CSMD2: variants seen among roughly 807,000 people sequenced by gnomAD.
CSMD2 encodes CUB and sushi domain-containing protein 2.
In CSMD2, 130 loss-of-function variants were observed where a neutral mutation model predicts 398.5. The observed-to-expected ratio is 0.33, with a 90% CI of 0.28 to 0.38. CSMD2 has a LOEUF of 0.38. Among genes scored for constraint, CSMD2 ranks in the 10% least tolerant of loss-of-function variants. CSMD2 has a pLI of 1.00. For missense variants in CSMD2, 3,829 were observed against 4,764.9 expected (o/e 0.80, Z 5.78); for synonymous variants, 1,828 against 1,908.5 (o/e 0.96, Z 1.10).
In CSMD2 at chr1:34,032,683, G is replaced by C; in HGVS notation, c.428C>G (p.Ala143Gly). ...RTRLTGFQLP[A>G]TIVSAATTLS... ...GGTGGTGGCTGCACTAACAATGGTG[G>C]CTGGCAGCTGAAAGCCTGTGAGCCT... is the stretch of plus-strand genomic sequence containing the variant. Residue 143 changes from alanine to glycine, a missense_variant, in exon 3 of 71, where the codon GCC becomes GGC. Transcript: ENST00000373381. 6.3e-7 allele frequency: 1 copy of C among 1,595,718 alleles called. No homozygotes were observed. The highest frequency in any genetic ancestry group is 1.1e-5 in the South Asian group (1 of 87,384).
At chr1:33,578,876 G>T (rs1240334899) in intron 48 of CSMD2, among the ~76,000 whole-genome samples, 8 of 152,154 alleles carry the variant, frequency 5.3e-5, no homozygotes, top group Non-Finnish European at 1.2e-4. Context: ...TTAAATAGCT[G>T]CCTTCCAAGC....
chr1:33,600,177 G>A, intron 44 of CSMD2: 1 of 716,520 alleles, frequency 1.4e-6, no homozygotes, highest in Non-Finnish European at 2.6e-6. Flanking sequence ...TACACAGCTG[G>A]CCCAAGGTGG....
intron 3 of CSMD2, among the ~76,000 whole-genome samples, chr1:34,005,076 T>G (rs1054564710): frequency 6.6e-6 from 1 of 152,182 alleles, no homozygotes; most frequent in African/African-American, 2.4e-5. Context: ...GGGAAACCCA[T>G]GAACAGAGTT....
At chr1:34,144,642 G>A (rs941102933) in intron 1 of CSMD2, among the ~76,000 whole-genome samples, 6 of 152,128 alleles carry the variant, frequency 3.9e-5, no homozygotes, top group South Asian at 2.1e-4. Flanking sequence ...CAGCGTTATC[G>A]GTAAGGTAAT....
intron 5 of CSMD2, chr1:33,863,998 T>C (rs1029011630): frequency 1.4e-5 from 8 of 575,688 alleles, no homozygotes; most frequent in African/African-American, 3.8e-5. Context: ...GGCTGGCTTG[T>C]GGATGATGTC....
intron 28 of CSMD2, among the ~76,000 whole-genome samples, chr1:33,651,643 G>A (rs1571092798): frequency 1.3e-5 from 2 of 152,276 alleles, no homozygotes; most frequent in East Asian, 3.9e-4. Flanking sequence ...TGGAGAACTG[G>A]GAAGAGTAAC....
At position 33,633,636 on chromosome 1, in the gene CSMD2, G is replaced by C. The variant is rs1247908140; in HGVS notation, c.5087-101C>G. ...CAAGCCAGGAGGAGGGCAGCCCTGG[G>C]GAAGTTGTTGGTTCCTGGGCTGTGG... On this transcript the variant is annotated intron_variant, in intron 31 of 70. Transcript: ENST00000373381. This position sits in a 1 kb window ranked among gnomAD's most constrained non-coding sequence, Gnocchi z 5.0. 4 of 818,194 alleles carry C rather than the reference G, an allele frequency of 4.9e-6. No homozygotes were observed. The highest frequency in any genetic ancestry group is 8.1e-6 in the Non-Finnish European group (4 of 493,048). The allele number at this position is 818,194 out of a possible 1,614,324, so 50.7% of individuals were successfully genotyped here. A position where few individuals can be genotyped will look rare whatever the true frequency, so the allele number is the denominator to read the frequency against.
At chr1:34,001,985 A>G (rs1184362236) in intron 3 of CSMD2, among the ~76,000 whole-genome samples, 1 of 152,246 alleles carries the variant, frequency 6.6e-6, no homozygotes. Flanking sequence ...GGTATATTTG[A>G]GGAGCTAATG....
rs376638606 is a variant in CSMD2, at chr1:33,662,955, G to A, written c.4190C>T (p.Ser1397Leu). Residue 1397 changes from serine to leucine, a missense_variant, in exon 26 of 71, where the codon TCG (serine) becomes TTG (leucine). Around this residue, in one of 5 missense-constraint regions of CSMD2, gnomAD observed 2,001 missense variants for 2,567.1 expected, o/e 0.78. Transcript: ENST00000373381. The part of the protein sequence containing the change: ...LPKDLHSTFN[S>L]VVLQFSTDFF... ...GTCAGTGCTGAACTGCAGGACGACC[G>A]AGTTGAAGGTGCTATGCAGGTCCTT... 3.7e-6 allele frequency: 6 copies of A among 1,614,176 alleles called. No individual in the cohort carries two copies. The highest frequency in any genetic ancestry group is 1.3e-5 in the African/African-American group (1 of 75,046).
chr1:34,000,183 G>T (rs1489590930), intron 3 of CSMD2, among the ~76,000 whole-genome samples: 2 of 152,122 alleles, frequency 1.3e-5, no homozygotes, highest in Non-Finnish European at 2.9e-5. Context: ...TTAAAACAAA[G>T]TATCTCAGTC....
At chr1:33,650,408 C>G (rs532998302) in intron 28 of CSMD2, among the ~76,000 whole-genome samples, 5 of 152,094 alleles carry the variant, frequency 3.3e-5, no homozygotes, top group African/African-American at 7.2e-5. Context: ...ATGAGAAGAC[C>G]CTTACAGATA....
At chr1:33,873,094 T>C (rs1640591204) in intron 5 of CSMD2, among the ~76,000 whole-genome samples, 2 of 152,190 alleles carry the variant, frequency 1.3e-5, no homozygotes, top group African/African-American at 4.8e-5. Flanking sequence ...AATCACCAAA[T>C]CTGTAGTAAC....
intron 12 of CSMD2, among the ~76,000 whole-genome samples, chr1:33,772,978 C>T (rs1409473114): frequency 1.3e-5 from 2 of 152,176 alleles, no homozygotes; most frequent in Admixed American, 1.3e-4. Flanking sequence ...CTATCAAGTG[C>T]CTGAGACTCT....
intron 14 of CSMD2, among the ~76,000 whole-genome samples, chr1:33,739,642 CTT>C (rs1241199530): frequency 2.0e-5 from 3 of 152,186 alleles, no homozygotes; most frequent in African/African-American, 4.8e-5. Context: ...TGAAGTAGCT[CTT>C]GTTACCCTAC....
At chr1:33,586,675 G>T in intron 45 of CSMD2, 58 bp from the exon 46 acceptor site, 1 of 1,069,230 alleles carries the variant, frequency 9.4e-7, no homozygotes, top group Non-Finnish European at 1.5e-6. Flanking sequence ...TTAGTACCTT[G>T]AACCCACTTC....
chr1:33,654,643 C>G lies in CSMD2; in HGVS notation c.4448-2182G>C, dbSNP rs573830715. Among the ~76,000 whole-genome samples the G allele has an allele frequency of 9.8e-5, 15 of 152,338 alleles. No homozygotes were observed. The South Asian group carries it at 2.9e-3, about 29-fold the overall frequency. On this transcript the variant is annotated intron_variant, in intron 27 of 70. Transcript: ENST00000373381. Reference sequence around the variant, plus strand: ...GACCCTTGAGCTTAACAAAGCAAGACTGTAATGTCCAGTCCATGGAGCGTG... The same window carrying G: ...GACCCTTGAGCTTAACAAAGCAAGAGTGTAATGTCCAGTCCATGGAGCGTG...
intron 11 of CSMD2, among the ~76,000 whole-genome samples, chr1:33,790,801 A>ATATCTATCTATCTATCTATC (rs3078814): frequency 1.3e-5 from 2 of 148,448 alleles, no homozygotes; most frequent in South Asian, 2.2e-4. Context: ...CATCTCTCTA[A>ATATCTATCTATCTATCTATC]TATCTATCTA....
At chr1:33,654,548 C>T (rs1256701284) in intron 27 of CSMD2, among the ~76,000 whole-genome samples, 1 of 152,208 alleles carries the variant, frequency 6.6e-6, no homozygotes, top group Non-Finnish European at 1.5e-5. Flanking sequence ...CTTGTGTCTC[C>T]ACCACTGAAT....
At position 33,550,227 on chromosome 1, in the gene CSMD2, C is replaced by T; in HGVS notation, c.8867G>A (p.Arg2956His). 1.9e-6 allele frequency: 3 copies of T among 1,614,194 alleles called. No individual in the cohort carries two copies. Among genetic ancestry groups the T allele is most frequent in the Non-Finnish European group, 1.7e-6 (2 of 1,180,036 alleles). ...GKRTLVGNST[R>H]MCGLDGHWTG... is the part of the protein sequence containing the mutation. Reference sequence around the variant, plus strand: ...CCAGTGTCCATCCAGCCCACACATGCGGGTGCTGTTTCCCACCAGAGTACG... The same window carrying T: ...CCAGTGTCCATCCAGCCCACACATGTGGGTGCTGTTTCCCACCAGAGTACG... Residue 2956 changes from arginine to histidine, a missense_variant, in exon 56 of 71, where the codon CGC becomes CAC. By Grantham distance (29) the Arg-to-His change is conservative. This residue lies in a region of CSMD2 where 917 missense variants were observed against 1,199.5 expected (regional missense o/e 0.76). Transcript: ENST00000373381.
Sources: allele counts gnomAD v4.1 joint callset (sites outside exome capture counted in the v4.1 genomes callset), GRCh38; gene constraint gnomAD v4.1.1; regional missense constraint gnomAD v4.1.1; non-coding constraint Gnocchi (gnomAD v3.1); transcripts MANE v1.5; gene names NCBI Gene and HGNC (gene_info 2026-07-23, HGNC 2026-07-21).